The following ARHGEF28 variants were observed in gnomAD, a reference collection of about 807,000 sequenced individuals.
ARHGEF28 encodes 190 kDa guanine nucleotide exchange factor.
A neutral mutation model predicts 206.6 loss-of-function variants in ARHGEF28; 152 were observed. The observed-to-expected ratio is 0.74, with a 90% CI of 0.64 to 0.84. The LOEUF (loss-of-function observed/expected upper bound fraction) is 0.84, where lower values mean the gene tolerates loss of function less well. ARHGEF28 is among the 40% of genes least tolerant of loss of function. The pLI is 0.00. For synonymous variants in ARHGEF28, 763 were observed against 776.4 expected (o/e 0.98, Z 0.29); for missense variants, 2,028 against 2,073.2 (o/e 0.98, Z 0.42).
chr5:73,917,998 T>A (rs890051735), intron 35 of ARHGEF28, among the ~76,000 whole-genome samples: 1 of 152,106 alleles, frequency 6.6e-6, no homozygotes, highest in Non-Finnish European at 1.5e-5. Flanking sequence ...ATGATCCGGC[T>A]TCAGCAAAGG....
chr5:73,651,900 T>C (rs916586918), intron 1 of ARHGEF28, among the ~76,000 whole-genome samples: 3 of 152,210 alleles, frequency 2.0e-5, no homozygotes, highest in Non-Finnish European at 4.4e-5. Context: ...CAGAATCTGA[T>C]GCCACAACCA....
At chr5:73,696,805 C>T (rs916584306) in intron 2 of ARHGEF28, among the ~76,000 whole-genome samples, 8 of 152,104 alleles carry the variant, frequency 5.3e-5, no homozygotes. Context: ...TAATTTAGTG[C>T]CATTCAATAA....
chr5:73,818,192 G>A (rs866100064), intron 9 of ARHGEF28, among the ~76,000 whole-genome samples: 1 of 151,990 alleles, frequency 6.6e-6, no homozygotes, highest in Non-Finnish European at 1.5e-5. Flanking sequence ...TTAGGCATGC[G>A]GGGAATGGAG....
intron 30 of ARHGEF28, chr5:73,900,810 T>G: frequency 5.8e-6 from 1 of 171,212 alleles, no homozygotes; most frequent in Non-Finnish European, 1.3e-5. Flanking sequence ...CTTGCTTTTG[T>G]TCTACAGCAC....
intron 4 of ARHGEF28, among the ~76,000 whole-genome samples, chr5:73,754,123 T>G (rs1752177773): frequency 6.6e-6 from 1 of 152,236 alleles, no homozygotes; most frequent in African/African-American, 2.4e-5. Flanking sequence ...ATGCTATTTT[T>G]GAGAGTTTCT....
At chr5:73,892,401 C>T (rs1229555322) in intron 27 of ARHGEF28, among the ~76,000 whole-genome samples, 171 bp downstream of exon 27, 2 of 152,182 alleles carry the variant, frequency 1.3e-5, no homozygotes, top group African/African-American at 4.8e-5. Flanking sequence ...TCCACGCCTC[C>T]CTGCATGTAA....
chr5:73,719,827 C>G (rs908367685), intron 2 of ARHGEF28, among the ~76,000 whole-genome samples: 4 of 152,252 alleles, frequency 2.6e-5, no homozygotes, highest in Admixed American at 2.0e-4. Context: ...TTCCTGGAGG[C>G]AAGCCCTCGG....
At chr5:73,696,025 A>G (rs1243530908) in intron 2 of ARHGEF28, among the ~76,000 whole-genome samples, 1 of 152,194 alleles carries the variant, frequency 6.6e-6, no homozygotes, top group Non-Finnish European at 1.5e-5. Flanking sequence ...GACCTTGGAT[A>G]GCTATGCATT....
At chr5:73,792,415 G>T (rs1428833149) in intron 7 of ARHGEF28, among the ~76,000 whole-genome samples, 1 of 152,160 alleles carries the variant, frequency 6.6e-6, no homozygotes, top group Non-Finnish European at 1.5e-5. Context: ...TAACAGATGA[G>T]ATTGCCTTTT....
chr5:73,836,587 G>C (rs1432763164), intron 10 of ARHGEF28, among the ~76,000 whole-genome samples: 1 of 152,056 alleles, frequency 6.6e-6, no homozygotes, highest in Non-Finnish European at 1.5e-5. Context: ...TGCATGGTTT[G>C]TAAATATCTT....
chr5:73,669,940 G>A (rs1230803406), intron 1 of ARHGEF28, among the ~76,000 whole-genome samples: 3 of 152,204 alleles, frequency 2.0e-5, no homozygotes, highest in Admixed American at 6.5e-5. Context: ...ACCCGCTTTG[G>A]CCTCCCACAG....
At chr5:73,722,034 A>T (rs946608393) in intron 2 of ARHGEF28, among the ~76,000 whole-genome samples, 2 of 152,180 alleles carry the variant, frequency 1.3e-5, no homozygotes, top group Non-Finnish European at 2.9e-5. Context: ...GGAGCCTGTC[A>T]ATTATGATCT....
chr5:73,814,472 C>T (rs188824650), intron 9 of ARHGEF28, among the ~76,000 whole-genome samples: 2 of 152,118 alleles, frequency 1.3e-5, no homozygotes, highest in South Asian at 2.1e-4. Context: ...ATCCCATCCT[C>T]GGCTGGGCTT....
chr5:73,784,896 A>G (rs1404722598), intron 7 of ARHGEF28, among the ~76,000 whole-genome samples: 2 of 152,318 alleles, frequency 1.3e-5, no homozygotes, highest in African/African-American at 4.8e-5. Context: ...GGTTACTTGG[A>G]CATAAGCACT....
intron 1 of ARHGEF28, among the ~76,000 whole-genome samples, chr5:73,628,987 C>T (rs969100923): frequency 1.3e-5 from 2 of 152,108 alleles, no homozygotes; most frequent in African/African-American, 4.8e-5. Context: ...GCCATTTTGA[C>T]AATCTCTATT....
intron 9 of ARHGEF28, among the ~76,000 whole-genome samples, chr5:73,817,094 A>G (rs770241447): frequency 1.3e-5 from 2 of 152,216 alleles, no homozygotes; most frequent in Non-Finnish European, 2.9e-5. Flanking sequence ...TTTAAAATGC[A>G]TACTTTAGTA....
intron 22 of ARHGEF28, among the ~76,000 whole-genome samples, chr5:73,876,712 C>A (rs1760518367): frequency 6.6e-6 from 1 of 150,982 alleles, no homozygotes; most frequent in South Asian, 2.1e-4. Context: ...TGTTTATATG[C>A]TGGATTACAT....
intron 1 of ARHGEF28, among the ~76,000 whole-genome samples, chr5:73,654,428 G>A (rs934655300): frequency 1.3e-5 from 2 of 152,220 alleles, no homozygotes; most frequent in Non-Finnish European, 2.9e-5. Context: ...TTGGCAGTAG[G>A]GGAGTGGGCT....
At chr5:73,758,311 A>T (rs1580576959) in intron 4 of ARHGEF28, among the ~76,000 whole-genome samples, 1 of 152,378 alleles carries the variant, frequency 6.6e-6, no homozygotes, top group East Asian at 1.9e-4. Context: ...CATATAAAGA[A>T]TATTTCTCAC....
Sources: gnomAD v4.1 joint callset for allele counts (sites outside exome capture counted in the v4.1 genomes callset) on GRCh38, gnomAD v4.1.1 for gene constraint, MANE v1.5 for transcripts, NCBI Gene and HGNC (gene_info 2026-07-23, HGNC 2026-07-21) for gene names.